The following RERG variants were observed in gnomAD, a reference collection of about 807,000 sequenced individuals.
The protein encoded by RERG is ras-related and estrogen-regulated growth inhibitor.
In RERG, 25 loss-of-function variants were observed where a neutral mutation model predicts 23.2. The observed-to-expected ratio is 1.08, with a 90% confidence interval of 0.79 to 1.50. The LOEUF (loss-of-function observed/expected upper bound fraction) is 1.50, where lower values mean the gene tolerates loss of function less well. Ranked by LOEUF, RERG falls within the 40% of genes most tolerant of loss-of-function variation. The probability of loss-of-function intolerance (pLI) is 0.00; values close to 1 mark genes in which losing one functional copy is unlikely to be tolerated. For synonymous variants in RERG, 81 were observed against 89.1 expected, an observed-to-expected ratio of 0.91 and a Z score of 0.51; for missense variants, 253 against 250.1, an observed-to-expected ratio of 1.01 and a Z score of -0.08.
chr12:15,131,427 T>C (rs935410018), intron 2 of RERG, among the ~76,000 whole-genome samples: 2 of 152,194 alleles, frequency 1.3e-5, no homozygotes, highest in African/African-American at 4.8e-5. Flanking sequence ...GAATTATTTG[T>C]AAGGTATTAA....
In RERG at chr12:15,117,687, A is replaced by G. The variant is rs865899664; in HGVS notation, c.118+3376T>C. On this transcript the variant is annotated intron_variant, in intron 3 of 4. Coordinates refer to ENST00000256953, the MANE Select transcript of RERG (RefSeq NM_032918.3). ...CCATCACACACGCGCACACACACAC[A>G]CACACACACACACACACACAGTCAC... 5.0e-3 allele frequency among the ~76,000 whole-genome samples: 754 copies of G among 150,686 alleles called. 5 individuals carry two copies. The highest frequency in any genetic ancestry group is 0.017 in the Middle Eastern group (5 of 286).
intron 2 of RERG, among the ~76,000 whole-genome samples, chr12:15,160,140 A>G (rs1054909799): frequency 5.9e-5 from 9 of 151,952 alleles, no homozygotes; most frequent in African/African-American, 2.2e-4. Flanking sequence ...TTATTTGTAC[A>G]CTTCTATATA....
At chr12:15,154,967 A>G (rs912927988) in intron 2 of RERG, among the ~76,000 whole-genome samples, 2 of 152,212 alleles carry the variant, frequency 1.3e-5, no homozygotes, top group African/African-American at 4.8e-5. Context: ...AAGGCTTTAG[A>G]CACTGACACC....
At chr12:15,159,260 C>T (rs568202176) in intron 2 of RERG, among the ~76,000 whole-genome samples, 14 of 152,282 alleles carry the variant, frequency 9.2e-5, no homozygotes, top group African/African-American at 3.1e-4. Context: ...TCCTTTCAAG[C>T]TGGTTCTTGT....
intron 2 of RERG, among the ~76,000 whole-genome samples, chr12:15,143,478 A>G (rs1255028513): frequency 6.6e-6 from 1 of 152,172 alleles, no homozygotes; most frequent in Non-Finnish European, 1.5e-5. Flanking sequence ...AACTGCTCAT[A>G]GATTTAAGCC....
At chr12:15,129,027 G>C (rs1863996539) in intron 2 of RERG, among the ~76,000 whole-genome samples, 1 of 152,106 alleles carries the variant, frequency 6.6e-6, no homozygotes, top group African/African-American at 2.4e-5. Flanking sequence ...AAGAAATATG[G>C]GTCATTGTGC....
intron 2 of RERG, among the ~76,000 whole-genome samples, chr12:15,143,580 T>G (rs1864278044): frequency 6.6e-6 from 1 of 152,170 alleles, no homozygotes; most frequent in Non-Finnish European, 1.5e-5. Context: ...CCTGAGTTCA[T>G]TCATTTTGTT....
rs564564770 is a variant in RERG at position 15,145,908 on chromosome 12, A to C, written c.62-24789T>G. Among the ~76,000 whole-genome samples, 6 of 152,384 alleles carry C rather than the reference A, an allele frequency of 3.9e-5. No individual in the cohort carries two copies. In the South Asian group the frequency reaches 6.2e-4, roughly 16 times the overall value. ...TCATTTTAAGAAAAAGTACAGTTAC[A>C]GTTGCTTTCCATGCCTACGGTGGTT... On this transcript the variant is annotated intron_variant, in intron 2 of 4. Coordinates refer to ENST00000256953, the MANE Select transcript of RERG (RefSeq NM_032918.3).
At chr12:15,126,496 T>C (rs1207314923) in intron 2 of RERG, among the ~76,000 whole-genome samples, 1 of 152,034 alleles carries the variant, frequency 6.6e-6, no homozygotes, top group African/African-American at 2.4e-5. Flanking sequence ...TTATTGCTAT[T>C]ATTTTAAATA....
intron 2 of RERG, among the ~76,000 whole-genome samples, chr12:15,195,549 G>GGC (rs1865131341): frequency 7.1e-6 from 1 of 141,204 alleles, no homozygotes; most frequent in African/African-American, 2.7e-5. Flanking sequence ...CAGCAAGCTT[G>GGC]GCTGTGTGTG....
At chr12:15,160,448 A>C (rs747779115) in intron 2 of RERG, among the ~76,000 whole-genome samples, 1 of 152,154 alleles carries the variant, frequency 6.6e-6, no homozygotes, top group Non-Finnish European at 1.5e-5. Context: ...GGCTCCATCT[A>C]TAAAGGAAAC....
At position 15,116,642 on chromosome 12, in the gene RERG, T is replaced by G. The variant is rs1863726290; in HGVS notation, c.118+4421A>C. Among the ~76,000 whole-genome samples the G allele has an allele frequency of 2.6e-5, 4 of 151,876 alleles. 1 individual carries two copies. The highest frequency in any genetic ancestry group is 5.9e-5 in the Non-Finnish European group (4 of 67,980). On this transcript the variant is annotated intron_variant, in intron 3 of 4. Coordinates refer to ENST00000256953, the MANE Select transcript of RERG (RefSeq NM_032918.3). ...AAGCATTTTTTTTTCTTTAAGCTTC[T>G]CTCTCTCATTAGAAGCCCATTTTCT...
chr12:15,110,391 T>G (rs1437203381), intron 4 of RERG, among the ~76,000 whole-genome samples: 3 of 150,994 alleles, frequency 2.0e-5, no homozygotes, highest in Admixed American at 2.0e-4. Flanking sequence ...CAAGTCTTTT[T>G]GGGGGTCACA....
At chr12:15,191,752 G>A (rs1028084786) in intron 2 of RERG, among the ~76,000 whole-genome samples, 2 of 151,930 alleles carry the variant, frequency 1.3e-5, no homozygotes, top group African/African-American at 4.8e-5. Flanking sequence ...TTCCAACTTG[G>A]CCCATTCCTA....
intron 3 of RERG, among the ~76,000 whole-genome samples, chr12:15,112,797 A>T (rs1290014695): frequency 6.6e-6 from 1 of 152,200 alleles, no homozygotes; most frequent in Non-Finnish European, 1.5e-5. Context: ...GGAGAGAATA[A>T]AATACATAGA....
intron 2 of RERG, among the ~76,000 whole-genome samples, chr12:15,141,939 A>T (rs1329625694): frequency 6.6e-6 from 1 of 152,228 alleles, no homozygotes; most frequent in Non-Finnish European, 1.5e-5. Context: ...TGATACAAAG[A>T]GGAATTTATC....
intron 3 of RERG, among the ~76,000 whole-genome samples, chr12:15,120,440 A>C (rs1387409518): frequency 6.6e-6 from 1 of 151,932 alleles, no homozygotes; most frequent in African/African-American, 2.4e-5. Flanking sequence ...AGAAGTCTTT[A>C]TCCCTTTTAA....
chr12:15,203,532 T>A (rs1319002532), intron 2 of RERG, among the ~76,000 whole-genome samples: 1 of 151,700 alleles, frequency 6.6e-6, no homozygotes, highest in South Asian at 2.1e-4. Context: ...ACCATGCTTA[T>A]GACTTCTATT....
Position 15,108,038 on chromosome 12 carries a change from C to T in RERG, c.*1072G>A, listed in dbSNP as rs1863529445. 2 of 152,518 alleles carry T rather than the reference C, an allele frequency of 1.3e-5. No individual in the cohort carries two copies. The highest frequency in any genetic ancestry group is 4.8e-5 in the African/African-American group (2 of 41,396). 9.4% of individuals were successfully genotyped at this position (152,518 alleles called of 1,614,324 possible). A position where few individuals can be genotyped will look rare whatever the true frequency, so the allele number is the denominator to read the frequency against. ...AAGGTTTTATCAGTTGTAGACTGTACTTTCAGAATACAAGAGTCTGTTTTA... is the reference window on the plus strand; with the variant it reads ...AAGGTTTTATCAGTTGTAGACTGTATTTTCAGAATACAAGAGTCTGTTTTA... On this transcript the variant is annotated 3_prime_UTR_variant, in exon 5 of 5. Coordinates refer to ENST00000256953, the MANE Select transcript of RERG (RefSeq NM_032918.3).
Sources: gnomAD v4.1 joint callset for allele counts (sites outside exome capture counted in the v4.1 genomes callset) on GRCh38, gnomAD v4.1.1 for gene constraint, MANE v1.5 for transcripts, NCBI Gene and HGNC (gene_info 2026-07-23, HGNC 2026-07-21) for gene names.